NCOA7: variants seen among roughly 807,000 people sequenced by gnomAD.
NCOA7 encodes nuclear receptor coactivator 7.
NCOA7 carries 45 observed loss-of-function variants against 104.3 expected under a neutral mutation model. The ratio of observed to expected loss-of-function variants is 0.43; its 90% CI spans 0.34 to 0.55. The LOEUF is 0.55. Among genes scored for constraint, NCOA7 ranks in the 20% least tolerant of loss-of-function variants. NCOA7 has a pLI of 0.02. For missense variants in NCOA7, 1,041 were observed against 1,119.7 expected (o/e 0.93, Z 1.00); for synonymous variants, 398 against 402.3 (o/e 0.99, Z 0.13).
intron 2 of NCOA7, among the ~76,000 whole-genome samples, chr6:125,845,504 G>A (rs72969753): frequency 0.072 from 10,947 of 152,258 alleles, 461 homozygotes; most frequent in Non-Finnish European, 0.095. Context: ...GGCTGGGCAC[G>A]GTGGCTCATG....
chr6:125,870,743 G>A (rs1467197009), intron 3 of NCOA7, among the ~76,000 whole-genome samples: 1 of 152,230 alleles, frequency 6.6e-6, no homozygotes, highest in Middle Eastern at 3.4e-3. Context: ...TTGTATTGGG[G>A]ATTATCTCAG....
intron 10 of NCOA7, among the ~76,000 whole-genome samples, chr6:125,908,975 T>C (rs2128681030): frequency 6.6e-6 from 1 of 152,382 alleles, no homozygotes; most frequent in African/African-American, 2.4e-5. Context: ...GAATATTTGA[T>C]TGCATGAACT....
chr6:125,870,672 G>C (rs946242226), intron 3 of NCOA7, among the ~76,000 whole-genome samples: 1 of 152,162 alleles, frequency 6.6e-6, no homozygotes, highest in African/African-American at 2.4e-5. Flanking sequence ...CATACTGCTA[G>C]GTAACATCTT....
At chr6:125,830,746 T>A (rs963897755) in intron 2 of NCOA7, among the ~76,000 whole-genome samples, 1 of 148,396 alleles carries the variant, frequency 6.7e-6, no homozygotes, top group African/African-American at 2.5e-5. Context: ...TATGTGTGTG[T>A]GTGTGTGTGT....
At position 125,855,158 on chromosome 6, in the gene NCOA7, T is replaced by C. The variant is rs756388962; in HGVS notation, c.189T>C (p.Tyr63=). The C allele has an allele frequency of 5.6e-6, 9 of 1,613,216 alleles. No homozygotes were observed. Among genetic ancestry groups the C allele is most frequent in the Non-Finnish European group, 4.2e-6 (5 of 1,179,956 alleles). Reference sequence around the variant, plus strand: ...GCAACATTGCTGTGGAAGAGGAATATATGACTGATGAGAAAAAAAAGAGAA... The same window carrying C: ...GCAACATTGCTGTGGAAGAGGAATACATGACTGATGAGAAAAAAAAGAGAA... ...DKCNIAVEEE[Y]MTDEKKKRKS... The change falls in exon 3 of 16, where the codon TAT becomes TAC. Residue 63 remains tyrosine, a synonymous_variant. Transcript: ENST00000392477.
chr6:125,895,717 G>C (rs1177099297), intron 10 of NCOA7, among the ~76,000 whole-genome samples: 1 of 152,078 alleles, frequency 6.6e-6, no homozygotes, highest in African/African-American at 2.4e-5. Flanking sequence ...GACAGTGCAG[G>C]CTTCTCACAT....
At position 125,889,485 on chromosome 6, in the gene NCOA7, A is replaced by G. The variant is rs1248329570; in HGVS notation, c.1431A>G (p.Glu477=). 6.2e-7 allele frequency: 1 copy of G among 1,614,138 alleles called. No homozygotes were observed. The highest frequency in any genetic ancestry group is 1.7e-5 in the Admixed American group (1 of 60,014). The change falls in exon 9 of 16, where the codon GAA becomes GAG. Residue 477 remains glutamate (E), a synonymous_variant. Transcript: ENST00000392477. ...TTTTGGGAACAGAGAATGATGTTGA[A>G]CTGAAGGGGGCGCTAGATTTAGAAA... ...LAFLGTENDV[E]LKGALDLETC...
In NCOA7 at chr6:125,923,462, G is replaced by T. The variant is rs372087338; in HGVS notation, c.2523+628G>T. Among the ~76,000 whole-genome samples, 8 of 152,288 alleles carry T rather than the reference G, an allele frequency of 5.3e-5. No homozygotes were observed. In the South Asian group the frequency reaches 1.7e-3, roughly 32 times the overall value. On this transcript the variant is annotated intron_variant, in intron 13 of 15. Coordinates refer to ENST00000392477, the MANE Select transcript of NCOA7 (RefSeq NM_181782.5). ...TGTCCCTGCACTGTTATCTCTTCCC[G>T]TAAGTCAGCTCAGAATGGGAGTGGA...
chr6:125,901,121 G>A (rs1049638785), intron 10 of NCOA7, among the ~76,000 whole-genome samples: 3 of 152,154 alleles, frequency 2.0e-5, no homozygotes, highest in Non-Finnish European at 2.9e-5. Flanking sequence ...ATGCATATGC[G>A]TTTCAGTACT....
intron 2 of NCOA7, among the ~76,000 whole-genome samples, chr6:125,847,875 G>A (rs555553415): frequency 2.2e-4 from 34 of 152,258 alleles, no homozygotes; most frequent in Non-Finnish European, 4.3e-4. Flanking sequence ...GAAACCTACA[G>A]AATGGGAGAA....
At position 125,865,497 on chromosome 6, in the gene NCOA7, C is replaced by CT. The variant is rs113589843; in HGVS notation, c.272-9381dup. On this transcript the variant is annotated intron_variant, in intron 3 of 15. Transcript: ENST00000392477. ...TAGGGTTCATTCTTCCCTGACACAT[C>CT]TTTTTTTTTTTAATTTAATTATAAC... 2.8e-4 allele frequency among the ~76,000 whole-genome samples: 36 copies of CT among 127,764 alleles called. 4 individuals are homozygous for CT. Among genetic ancestry groups the CT allele is most frequent in the South Asian group, 1.6e-3 (7 of 4,308 alleles). The allele number at this position is 127,764 out of a possible 152,430, so 83.8% of individuals were successfully genotyped here.
intron 3 of NCOA7, among the ~76,000 whole-genome samples, chr6:125,859,540 T>C (rs999027794): frequency 6.6e-6 from 1 of 152,230 alleles, no homozygotes; most frequent in Non-Finnish European, 1.5e-5. Context: ...ATAGTTGTTT[T>C]CTCTGGTTAC....
intron 1 of NCOA7, among the ~76,000 whole-genome samples, chr6:125,808,416 G>T (rs972359146): frequency 1.7e-4 from 26 of 152,132 alleles, no homozygotes; most frequent in African/African-American, 6.0e-4. Flanking sequence ...AGTTATAGTT[G>T]CCTCTTCTTC....
chr6:125,827,915 G>A (rs1202012488), intron 2 of NCOA7, among the ~76,000 whole-genome samples: 2 of 152,242 alleles, frequency 1.3e-5, no homozygotes, highest in African/African-American at 4.8e-5. Flanking sequence ...GGATGGAGGT[G>A]CCATTATCTG....
At chr6:125,919,535 T>A in intron 11 of NCOA7, 1 of 1,130,638 alleles carries the variant, frequency 8.8e-7, no homozygotes, top group Non-Finnish European at 1.3e-6. Context: ...AGGATTGTGC[T>A]GACATTTCTA....
chr6:125,864,021 T>G lies in NCOA7; in HGVS notation c.271+8781T>G, dbSNP rs1036226818. 6.6e-4 allele frequency among the ~76,000 whole-genome samples: 89 copies of G among 134,574 alleles called. 20 individuals are homozygous for G. Among genetic ancestry groups the G allele is most frequent in the African/African-American group, 2.6e-3 (83 of 31,706 alleles). 88.3% of individuals were successfully genotyped at this position (134,574 alleles called of 152,430 possible). ...GAAGAGTGATGTGGTCAGGTTTTTTTGGGGGGGGCAGTTTGGCTGTTTTTA... is the reference window on the plus strand; with the variant it reads ...GAAGAGTGATGTGGTCAGGTTTTTTGGGGGGGGGCAGTTTGGCTGTTTTTA... On this transcript the variant is annotated intron_variant, in intron 3 of 15. Coordinates refer to ENST00000392477, the MANE Select transcript of NCOA7 (RefSeq NM_181782.5).
At chr6:125,831,775 C>T (rs1224815380) in intron 2 of NCOA7, among the ~76,000 whole-genome samples, 6 of 152,174 alleles carry the variant, frequency 3.9e-5, no homozygotes, top group African/African-American at 1.2e-4. Flanking sequence ...ATAATTTTCT[C>T]GTTAGTTTTC....
At chr6:125,891,537 C>T (rs1784622568) in intron 10 of NCOA7, among the ~76,000 whole-genome samples, 1 of 152,174 alleles carries the variant, frequency 6.6e-6, no homozygotes, top group Admixed American at 6.5e-5. Context: ...GTTTTCAACA[C>T]TGTTAAAACC....
At chr6:125,833,035 A>G (rs1226979039) in intron 2 of NCOA7, among the ~76,000 whole-genome samples, 1 of 152,184 alleles carries the variant, frequency 6.6e-6, no homozygotes, top group Non-Finnish European at 1.5e-5. Flanking sequence ...TTATTTTTCA[A>G]CTTCCAGAAA....
Sources: gnomAD v4.1 joint callset for allele counts (sites outside exome capture counted in the v4.1 genomes callset) on GRCh38, gnomAD v4.1.1 for gene constraint, MANE v1.5 for transcripts, NCBI Gene and HGNC (gene_info 2026-07-23, HGNC 2026-07-21) for gene names.